PTPRT: variants seen among roughly 807,000 people sequenced by gnomAD.
The protein encoded by PTPRT is receptor-type tyrosine-protein phosphatase T.
Under a neutral mutation model 176.8 loss-of-function variants are expected in PTPRT, and 56 were observed. The ratio of observed to expected loss-of-function variants is 0.32; its 90% confidence interval spans 0.26 to 0.40. The LOEUF is 0.40. Ranked by LOEUF, PTPRT falls within the 10% of genes least tolerant of loss-of-function variation. PTPRT has a pLI of 1.00. For missense variants in PTPRT, 1,540 were observed against 1,908.2 expected, an observed-to-expected ratio of 0.81 and a Z score of 3.60; for synonymous variants, 783 against 739.0, an observed-to-expected ratio of 1.06 and a Z score of -0.96.
At chr20:42,270,274 G>A (rs1315347564) in intron 13 of PTPRT, 2 of 779,990 alleles carry the variant, frequency 2.6e-6, no homozygotes, top group Non-Finnish European at 2.1e-6. Flanking sequence ...GTGAATGGGT[G>A]GGGGGGTGGG....
intron 9 of PTPRT, among the ~76,000 whole-genome samples, chr20:42,427,499 T>C (rs1056275151): frequency 1.4e-5 from 2 of 142,602 alleles, no homozygotes; most frequent in Non-Finnish European, 3.0e-5. Flanking sequence ...GTTTTGTTCT[T>C]CATCGATGGC....
intron 1 of PTPRT, among the ~76,000 whole-genome samples, chr20:43,027,763 C>T (rs1359554335): frequency 6.6e-6 from 1 of 152,176 alleles, no homozygotes; most frequent in Non-Finnish European, 1.5e-5. Flanking sequence ...GGCAGCCCCT[C>T]ATAAATGAAT....
intron 1 of PTPRT, among the ~76,000 whole-genome samples, chr20:43,140,958 C>T (rs1453417780): frequency 2.0e-5 from 3 of 152,154 alleles, no homozygotes; most frequent in East Asian, 3.9e-4. Context: ...TATTCGGACT[C>T]ACACTCAGGC....
At chr20:42,746,133 A>G (rs1231959240) in intron 6 of PTPRT, among the ~76,000 whole-genome samples, 1 of 152,274 alleles carries the variant, frequency 6.6e-6, no homozygotes, top group Admixed American at 6.5e-5. Context: ...TAAAGTAGTC[A>G]AAATAATTCA....
intron 9 of PTPRT, among the ~76,000 whole-genome samples, chr20:42,358,757 GAGA>G (rs527417923): frequency 1.1e-3 from 163 of 152,320 alleles, no homozygotes; most frequent in African/African-American, 3.7e-3. Context: ...CTGCCTTTGT[GAGA>G]AGAAGAAGAT....
intron 7 of PTPRT, among the ~76,000 whole-genome samples, chr20:42,500,037 T>G (rs1206998256): frequency 6.6e-6 from 1 of 152,148 alleles, no homozygotes; most frequent in African/African-American, 2.4e-5. Context: ...AATTTGAGTT[T>G]TTTTATCCAC....
chr20:42,395,505 T>C (rs2058840610), intron 9 of PTPRT, among the ~76,000 whole-genome samples: 1 of 152,156 alleles, frequency 6.6e-6, no homozygotes. Flanking sequence ...TCAAATTTTA[T>C]AAAATACCAA....
At chr20:42,598,650 C>T (rs2073719175) in intron 7 of PTPRT, among the ~76,000 whole-genome samples, 1 of 152,012 alleles carries the variant, frequency 6.6e-6, no homozygotes, top group Admixed American at 6.6e-5. Flanking sequence ...CAAACCAATT[C>T]CTGCTATCTT....
chr20:42,496,926 G>A (rs370194723), intron 7 of PTPRT, among the ~76,000 whole-genome samples: 1 of 152,082 alleles, frequency 6.6e-6, no homozygotes. Context: ...AATTAGAGAC[G>A]TTGTGTTTGG....
At chr20:43,158,140 G>T (rs1600757612) in intron 1 of PTPRT, among the ~76,000 whole-genome samples, 4 of 152,068 alleles carry the variant, frequency 2.6e-5, no homozygotes, top group African/African-American at 9.7e-5. Flanking sequence ...TGGCGAGAGT[G>T]GGGGGACTCT....
chr20:43,158,303 A>G (rs1176457467), intron 1 of PTPRT, among the ~76,000 whole-genome samples: 2 of 152,288 alleles, frequency 1.3e-5, no homozygotes, highest in African/African-American at 4.8e-5. Flanking sequence ...CTGAGGGTGG[A>G]GCTGGTTTGG....
chr20:43,092,794 C>T (rs1279389847), intron 1 of PTPRT, among the ~76,000 whole-genome samples: 3 of 152,142 alleles, frequency 2.0e-5, no homozygotes, highest in Non-Finnish European at 4.4e-5. Flanking sequence ...CAGCAGAGGC[C>T]CAGTTCACTG....
intron 8 of PTPRT, among the ~76,000 whole-genome samples, chr20:42,454,678 A>G (rs1017561067): frequency 6.6e-6 from 1 of 152,230 alleles, no homozygotes; most frequent in East Asian, 1.9e-4. Context: ...GTGCTACTGA[A>G]AAACTTCTTT....
At chr20:42,251,622 G>T (rs1195626164) in intron 13 of PTPRT, among the ~76,000 whole-genome samples, 1 of 151,530 alleles carries the variant, frequency 6.6e-6, no homozygotes, top group African/African-American at 2.4e-5. Flanking sequence ...TCCAAAGGAA[G>T]ACAGGCTGTA....
the PTPRT span, among the ~76,000 whole-genome samples, chr20:42,037,476 C>T: frequency 6.6e-6 from 1 of 152,246 alleles, no homozygotes; most frequent in Non-Finnish European, 1.5e-5. Flanking sequence ...TCTGTGCAAA[C>T]TATGGTCTGA....
chr20:43,121,090 G>A, intron 1 of PTPRT, among the ~76,000 whole-genome samples: 1 of 151,576 alleles, frequency 6.6e-6, no homozygotes, highest in South Asian at 2.1e-4. Context: ...TTTTTGAAAT[G>A]CTCATTAATG....
chr20:42,811,008 A>T (rs572340122), intron 2 of PTPRT, among the ~76,000 whole-genome samples: 5 of 152,354 alleles, frequency 3.3e-5, no homozygotes, highest in Admixed American at 2.6e-4. Flanking sequence ...GAAAATTGAG[A>T]AAGCTACAAA....
At chr20:42,155,223 A>G (rs1450171832) in intron 17 of PTPRT, among the ~76,000 whole-genome samples, 1 of 152,208 alleles carries the variant, frequency 6.6e-6, no homozygotes, top group Non-Finnish European at 1.5e-5. Context: ...AAACTTCCCC[A>G]GGTAACTCTA....
At chr20:42,799,331 G>C (rs2077496990) in intron 2 of PTPRT, among the ~76,000 whole-genome samples, 1 of 152,086 alleles carries the variant, frequency 6.6e-6, no homozygotes, top group Admixed American at 6.5e-5. Context: ...CCCTACATAA[G>C]CTTGCATCCC....
Sources: gnomAD v4.1 joint callset for allele counts (sites outside exome capture counted in the v4.1 genomes callset) on GRCh38, gnomAD v4.1.1 for gene constraint, MANE v1.5 for transcripts, NCBI Gene and HGNC (gene_info 2026-07-23, HGNC 2026-07-21) for gene names.